Variants in RALGAPA2 observed in about 807,000 individuals in gnomAD.
RALGAPA2 encodes ral GTPase-activating protein subunit alpha-2.
In RALGAPA2, 139 loss-of-function variants were observed where a neutral mutation model predicts 230.4. The observed-to-expected ratio is 0.60, with a 90% CI of 0.53 to 0.69. RALGAPA2 has a LOEUF of 0.69. RALGAPA2 is among the 30% of genes least tolerant of loss of function. The pLI is 0.00. For synonymous variants in RALGAPA2, 847 were observed against 837.8 expected, an observed-to-expected ratio of 1.01 and a Z score of -0.19; for missense variants, 2,163 against 2,276.0, an observed-to-expected ratio of 0.95 and a Z score of 1.01.
chr20:20,501,442 C>T (rs1346360148), intron 35 of RALGAPA2, among the ~76,000 whole-genome samples: 1 of 152,188 alleles, frequency 6.6e-6, no homozygotes, highest in East Asian at 1.9e-4. Context: ...CCAACCTCGG[C>T]AAGCTTCAAA....
Position 20,633,324 on chromosome 20 carries a change from G to A in RALGAPA2, c.1005+2094C>T, listed in dbSNP as rs1037461301. ...TAATTTTTGTATTTTTTGTAGAGAC[G>A]GCATTTCACCATGTTGGCCAGGCTG... is the stretch of plus-strand genomic sequence containing the variant. On this transcript the variant is annotated intron_variant, in intron 9 of 39. Transcript: ENST00000202677. Among the ~76,000 whole-genome samples the A allele has an allele frequency of 6.6e-5, 10 of 151,744 alleles. No individual in the cohort carries two copies. The East Asian group carries it at 1.6e-3, about 24-fold the overall frequency.
Position 20,573,047 on chromosome 20 carries a change from T to A in RALGAPA2, c.2729A>T (p.Asp910Val). Residue 910 changes from aspartate to valine, a missense_variant, in exon 21 of 40, where the codon GAT becomes GTT. Asp to Val is a radical substitution (Grantham distance 152). Coordinates refer to ENST00000202677, the MANE Select transcript of RALGAPA2 (RefSeq NM_020343.4). ...NLTDSSECLT[D>V]DCSIIAGGSL... ...CCCCCCGGCGATTATACTACAGTCA[T>A]CTGTGAGGCACTCGCTGCTATCTAT... 6.2e-7 allele frequency: 1 copy of A among 1,607,908 alleles called. No individual in the cohort carries two copies. The highest frequency in any genetic ancestry group is 8.5e-7 in the Non-Finnish European group (1 of 1,177,008).
intron 36 of RALGAPA2, among the ~76,000 whole-genome samples, chr20:20,482,427 A>T (rs953327515): frequency 3.3e-5 from 5 of 152,156 alleles, no homozygotes; most frequent in Non-Finnish European, 4.4e-5. Context: ...TTCATGTAGG[A>T]AGTGGTCATG....
intron 16 of RALGAPA2, among the ~76,000 whole-genome samples, chr20:20,594,953 C>A (rs570895661): frequency 6.6e-6 from 1 of 152,064 alleles, no homozygotes; most frequent in Non-Finnish European, 1.5e-5. Context: ...ATCTCCTGAC[C>A]TCATGATCCA....
In RALGAPA2 at chr20:20,393,118, AG is replaced by A; in HGVS notation, c.*170del. 1.5e-6 allele frequency: 2 copies of A among 1,360,054 alleles called. No homozygotes were observed. The highest frequency in any genetic ancestry group is 1.2e-5 in the South Asian group (1 of 86,128). 84.2% of individuals were successfully genotyped at this position (1,360,054 alleles called of 1,614,324 possible). ...AGTCCACTAATGGGAAGACCTGCTG[AG>A]GGCACTAGTACAGCAACGAAATTTC... On this transcript the variant is annotated 3_prime_UTR_variant, in exon 40 of 40. Coordinates refer to ENST00000202677, the MANE Select transcript of RALGAPA2 (RefSeq NM_020343.4).
chr20:20,620,482 GA>G lies in RALGAPA2; in HGVS notation c.1381del (p.Ser461ProfsTer31). 1 of 1,613,764 alleles carries G rather than the reference GA, an allele frequency of 6.2e-7. No homozygotes were observed. The highest frequency in any genetic ancestry group is 8.5e-7 in the Non-Finnish European group (1 of 1,179,796). The stretch of plus-strand genomic sequence containing the variant: ...AATTACCTCCTTGCTATCAGTCTCG[GA>G]AAATCCTAATTTTTCAGCATCTTCT... ...AQEDAEKLGF[S>X]ETDSKEASSE... On this transcript the variant is annotated frameshift_variant, in exon 11 of 40. Transcript: ENST00000202677. LOFTEE classifies it high-confidence loss of function.
intron 38 of RALGAPA2, among the ~76,000 whole-genome samples, chr20:20,409,750 C>T (rs930990051): frequency 1.3e-5 from 2 of 152,174 alleles, no homozygotes; most frequent in East Asian, 1.9e-4. Context: ...AAGATGCTTC[C>T]GAAAACGTGC....
chr20:20,700,344 A>G (rs779349218), intron 1 of RALGAPA2, among the ~76,000 whole-genome samples: 4 of 152,014 alleles, frequency 2.6e-5, no homozygotes, highest in Admixed American at 2.6e-4. Context: ...AAAACAACCT[A>G]TTGGGCACTA....
At chr20:20,522,483 T>C (rs371863795) in intron 30 of RALGAPA2, among the ~76,000 whole-genome samples, 1 of 152,220 alleles carries the variant, frequency 6.6e-6, no homozygotes, top group East Asian at 1.9e-4. Flanking sequence ...ATGACTCTTG[T>C]ATAGAGTTCA....
intron 20 of RALGAPA2, among the ~76,000 whole-genome samples, chr20:20,576,212 T>C (rs1449917551): frequency 6.6e-6 from 1 of 152,126 alleles, no homozygotes; most frequent in Non-Finnish European, 1.5e-5. Flanking sequence ...TATATTCGAA[T>C]GGAATATTTA....
At chr20:20,479,402 A>C (rs2035840058) in intron 36 of RALGAPA2, among the ~76,000 whole-genome samples, 1 of 152,238 alleles carries the variant, frequency 6.6e-6, no homozygotes, top group Admixed American at 6.5e-5. Context: ...ACAAAATATC[A>C]GCAAGCCAAT....
chr20:20,605,764 T>C (rs2065800378), intron 14 of RALGAPA2, among the ~76,000 whole-genome samples: 1 of 152,104 alleles, frequency 6.6e-6, no homozygotes, highest in Admixed American at 6.5e-5. Context: ...TCAAACCTCC[T>C]ACAGGAAAAC....
intron 17 of RALGAPA2, among the ~76,000 whole-genome samples, chr20:20,589,711 C>A (rs2065231631): frequency 6.6e-6 from 1 of 151,834 alleles, no homozygotes; most frequent in Non-Finnish European, 1.5e-5. Flanking sequence ...GCCAGATGAA[C>A]CAACAGGAAG....
At chr20:20,649,700 T>C (rs2067330095) in intron 4 of RALGAPA2, among the ~76,000 whole-genome samples, 2 of 152,220 alleles carry the variant, frequency 1.3e-5, no homozygotes, top group Admixed American at 1.3e-4. Flanking sequence ...GGCACAGCAC[T>C]GTACACTGAA....
At chr20:20,697,104 A>C (rs2069142995) in intron 1 of RALGAPA2, among the ~76,000 whole-genome samples, 2 of 152,218 alleles carry the variant, frequency 1.3e-5, no homozygotes, top group Admixed American at 1.3e-4. Flanking sequence ...ATCTGCAAAT[A>C]GCAGACACTC....
chr20:20,430,527 T>C (rs934644119), intron 37 of RALGAPA2, among the ~76,000 whole-genome samples: 7 of 152,098 alleles, frequency 4.6e-5, no homozygotes, highest in Non-Finnish European at 1.0e-4. Context: ...ATAAGGAGAG[T>C]AGTCATTGTA....
At chr20:20,620,241 G>T (rs2146344438) in intron 11 of RALGAPA2, among the ~76,000 whole-genome samples, 1 of 152,288 alleles carries the variant, frequency 6.6e-6, no homozygotes, top group East Asian at 1.9e-4. Context: ...ACACGCAGAT[G>T]GCCCTGGCTA....
At chr20:20,430,110 G>A (rs749121895) in intron 37 of RALGAPA2, among the ~76,000 whole-genome samples, 25 of 152,224 alleles carry the variant, frequency 1.6e-4, no homozygotes, top group African/African-American at 5.3e-4. Context: ...TGAAAGAGGG[G>A]TTCAGGGCTG....
rs912204919 is a variant in RALGAPA2, at chr20:20,712,121, C to T, written c.106+254G>A. Among the ~76,000 whole-genome samples the T allele has an allele frequency of 6.6e-5, 10 of 152,244 alleles. No individual in the cohort carries two copies. The highest frequency in any genetic ancestry group is 2.4e-4 in the African/African-American group (10 of 41,558). On this transcript the variant is annotated intron_variant, in intron 1 of 39. Coordinates refer to ENST00000202677, the MANE Select transcript of RALGAPA2 (RefSeq NM_020343.4). This position sits in a 1 kb window ranked among gnomAD's most constrained non-coding sequence, Gnocchi z 5.5. ...CTCTGTGCCCGGCCTCCAGGTTCTC[C>T]GGGAGCGCAGGCGCCCAGCGAGAAT...
Sources: gnomAD v4.1 joint callset for allele counts (sites outside exome capture counted in the v4.1 genomes callset) on GRCh38, gnomAD v4.1.1 for gene constraint, Gnocchi (gnomAD v3.1) non-coding constraint, MANE v1.5 for transcripts, NCBI Gene and HGNC (gene_info 2026-07-23, HGNC 2026-07-21) for gene names.